Variants in GAN observed in about 807,000 individuals in gnomAD.
GAN encodes the protein gigaxonin, also known as epididymis secretory sperm binding protein.
Under a neutral mutation model 71.3 loss-of-function variants are expected in GAN, and 48 were observed. That is an observed-to-expected ratio of 0.67 (90% CI 0.53 to 0.86). The LOEUF is 0.86. Ranked by LOEUF, GAN falls within the 40% of genes least tolerant of loss-of-function variation. GAN has a pLI of 0.00. For missense variants in GAN, 928 were observed against 770.1 expected (o/e 1.21, Z -2.43); for synonymous variants, 386 against 276.8 (o/e 1.39, Z -3.92).
In GAN at chr16:81,358,052, T is replaced by C. The variant is rs541569292; in HGVS notation, c.973+121T>C. ...TTTTATTATCTCTACATGACATTTT[T>C]AGTGTAGTTCTAGCTTCTGAGACCG... On this transcript the variant is annotated intron_variant, in intron 5 of 10. Transcript: ENST00000648994. 1.7e-5 allele frequency: 15 copies of C among 884,390 alleles called. No individual in the cohort carries two copies. In the East Asian group the frequency reaches 3.7e-4, roughly 22 times the overall value. The allele number at this position is 884,390 out of a possible 1,614,324, so 54.8% of individuals were successfully genotyped here. A position where few individuals can be genotyped will look rare whatever the true frequency, so the allele number is the denominator to read the frequency against.
intron 1 of GAN, among the ~76,000 whole-genome samples, chr16:81,350,319 C>T (rs1028656428): frequency 6.6e-6 from 1 of 152,130 alleles, no homozygotes; most frequent in Non-Finnish European, 1.5e-5. Flanking sequence ...TACCATATTT[C>T]ACTCATTCAA....
chr16:81,354,798 C>A (rs375919512), intron 3 of GAN, 43 bp downstream of exon 3: 6 of 1,113,708 alleles, frequency 5.4e-6, no homozygotes, highest in Non-Finnish European at 8.2e-6. Context: ...CTTTTTATTT[C>A]TTTTTAATTC....
intron 2 of GAN, among the ~76,000 whole-genome samples, chr16:81,352,757 T>C (rs906682624): frequency 6.6e-6 from 1 of 152,206 alleles, no homozygotes; most frequent in African/African-American, 2.4e-5. Flanking sequence ...TGTGTACGTG[T>C]ATGATTGTTA....
chr16:81,359,899 T>C (rs1032102196), intron 5 of GAN, among the ~76,000 whole-genome samples: 22 of 152,370 alleles, frequency 1.4e-4, no homozygotes, highest in African/African-American at 4.8e-4. Context: ...TATCTTACTT[T>C]ACTGAACTCA....
chr16:81,356,619 G>A (rs1910493772), intron 3 of GAN, among the ~76,000 whole-genome samples, 166 bp from the exon 4 acceptor site: 1 of 152,194 alleles, frequency 6.6e-6, no homozygotes, highest in South Asian at 2.1e-4. Flanking sequence ...GAAGTAGACA[G>A]TTAGGGCCAG....
chr16:81,315,246 A>G lies in GAN; in HGVS notation c.133A>G (p.Lys45Glu). The G allele has an allele frequency of 6.3e-7, 1 of 1,577,090 alleles. No individual in the cohort carries two copies. The highest frequency in any genetic ancestry group is 8.6e-7 in the Non-Finnish European group (1 of 1,163,780). Reference sequence around the variant, plus strand: ...CGACGGGGAGGAGATCCCGGTGCAGAAGAACATCCTGGCGGCGGCCAGCCC... The same window carrying G: ...CGACGGGGAGGAGATCCCGGTGCAGGAGAACATCCTGGCGGCGGCCAGCCC... ...VLDGEEIPVQ[K>E]NILAAASPYI... The change falls in exon 1 of 11, where the codon AAG (lysine) becomes GAG (glutamate). Residue 45 changes from lysine (K) to glutamate (E), a missense_variant. Transcript: ENST00000648994.
chr16:81,377,684 C>A lies in GAN; in HGVS notation c.*88C>A. On this transcript the variant is annotated 3_prime_UTR_variant, in exon 11 of 11. Coordinates refer to ENST00000648994, the MANE Select transcript of GAN (RefSeq NM_022041.4). ...GAGAGCAGAGATGGCAGCTGAAACT[C>A]ACTCTGTGCTGGGCTTTGGTATGGT... 8.6e-7 allele frequency: 1 copy of A among 1,161,586 alleles called. No individual in the cohort carries two copies. The highest frequency in any genetic ancestry group is 1.3e-6 in the Non-Finnish European group (1 of 768,936). The allele number at this position is 1,161,586 out of a possible 1,614,324, so 72.0% of individuals were successfully genotyped here. A position where few individuals can be genotyped will look rare whatever the true frequency, so the allele number is the denominator to read the frequency against.
At chr16:81,342,753 C>T (rs1405402462) in intron 1 of GAN, among the ~76,000 whole-genome samples, 1 of 152,144 alleles carries the variant, frequency 6.6e-6, no homozygotes, top group South Asian at 2.1e-4. Context: ...CATTCAAAAA[C>T]TAGCAGAAGA....
chr16:81,373,823 A>G (rs939271585), intron 9 of GAN, among the ~76,000 whole-genome samples: 11 of 152,264 alleles, frequency 7.2e-5, no homozygotes, highest in African/African-American at 2.2e-4. Context: ...GCTCACTGCA[A>G]CCTCCGCCTC....
At chr16:81,367,337 A>G (rs1403741980) in intron 9 of GAN, among the ~76,000 whole-genome samples, 1 of 152,042 alleles carries the variant, frequency 6.6e-6, no homozygotes, top group Non-Finnish European at 1.5e-5. Flanking sequence ...AGCCCGGCCA[A>G]CATGGTGAAA....
At chr16:81,322,461 G>T (rs967863479) in intron 1 of GAN, among the ~76,000 whole-genome samples, 1 of 152,238 alleles carries the variant, frequency 6.6e-6, no homozygotes, top group Admixed American at 6.5e-5. Context: ...ATCATAAATG[G>T]AAGATAGGAG....
chr16:81,371,130 A>T (rs1017740476), intron 9 of GAN, among the ~76,000 whole-genome samples: 3 of 152,098 alleles, frequency 2.0e-5, no homozygotes, highest in African/African-American at 7.2e-5. Context: ...TTATTTATTT[A>T]TGTTAGTAAT....
intron 1 of GAN, among the ~76,000 whole-genome samples, chr16:81,332,623 T>A (rs139624071): frequency 6.6e-6 from 1 of 152,182 alleles, no homozygotes; most frequent in Admixed American, 6.5e-5. Context: ...TGCCTTCCCT[T>A]GTACATAGCA....
intron 1 of GAN, among the ~76,000 whole-genome samples, chr16:81,339,455 G>C (rs1489068365): frequency 1.3e-5 from 2 of 152,166 alleles, no homozygotes; most frequent in Non-Finnish European, 2.9e-5. Flanking sequence ...AAAGACCACT[G>C]TCAGCTTCAA....
Position 81,364,880 on chromosome 16 carries a change from A to G in GAN, c.1237-94A>G, listed in dbSNP as rs961333401. ...GGTTAGAAATCAAACCCCTTCCTAA[A>G]TCTCTTTAAGTATGGCCCAGACAGT... On this transcript the variant is annotated intron_variant, in intron 7 of 10. Coordinates refer to ENST00000648994, the MANE Select transcript of GAN (RefSeq NM_022041.4). 13 of 1,252,490 alleles carry G rather than the reference A, an allele frequency of 1.0e-5. No homozygotes were observed. The Admixed American group carries it at 1.2e-4, about 11-fold the overall frequency. 77.6% of individuals were successfully genotyped at this position (1,252,490 alleles called of 1,614,324 possible).
At chr16:81,350,830 T>C (rs1415578919) in intron 1 of GAN, among the ~76,000 whole-genome samples, 2 of 152,122 alleles carry the variant, frequency 1.3e-5, no homozygotes, top group Non-Finnish European at 2.9e-5. Flanking sequence ...AAAAATTCTT[T>C]AACATAGCAC....
intron 1 of GAN, among the ~76,000 whole-genome samples, chr16:81,340,605 A>T (rs973513545): frequency 6.6e-6 from 1 of 152,136 alleles, no homozygotes; most frequent in African/African-American, 2.4e-5. Flanking sequence ...AACAAAAAGG[A>T]CATCCACACC....
At chr16:81,342,781 C>T (rs144292378) in intron 1 of GAN, among the ~76,000 whole-genome samples, 1,652 of 152,240 alleles carry the variant, frequency 0.011, 38 homozygotes, top group African/African-American at 0.038. Context: ...TAACTAAGAT[C>T]AGAGCAGAAC....
intron 5 of GAN, among the ~76,000 whole-genome samples, chr16:81,361,675 TCTC>T (rs2150689731): frequency 6.6e-6 from 1 of 152,354 alleles, no homozygotes; most frequent in African/African-American, 2.4e-5. Context: ...CTTGTTGGCT[TCTC>T]CTCTTCTAAG....
Sources: allele counts gnomAD v4.1 joint callset (sites outside exome capture counted in the v4.1 genomes callset), GRCh38; gene constraint gnomAD v4.1.1; transcripts MANE v1.5; gene names NCBI Gene and HGNC (gene_info 2026-07-23, HGNC 2026-07-21).